Variants in CEBPZ observed in about 807,000 individuals in gnomAD.
CEBPZ encodes the protein CCAAT enhancer binding protein zeta, also known as CCAAT/enhancer-binding protein zeta.
Under a neutral mutation model 104.5 loss-of-function variants are expected in CEBPZ, and 78 were observed. The observed-to-expected ratio is 0.75, with a 90% CI of 0.62 to 0.90. The LOEUF (loss-of-function observed/expected upper bound fraction) is 0.90. Among genes scored for constraint, CEBPZ ranks in the 40% least tolerant of loss-of-function variants. The pLI is 0.00. For synonymous variants in CEBPZ, 470 were observed against 427.0 expected (o/e 1.10, Z -1.24); for missense variants, 1,439 against 1,233.5 (o/e 1.17, Z -2.50).
At chr2:37,223,960 A>G (rs1471049263) in intron 2 of CEBPZ, among the ~76,000 whole-genome samples, 1 of 152,208 alleles carries the variant, frequency 6.6e-6, no homozygotes, top group Non-Finnish European at 1.5e-5. Flanking sequence ...TTCACTGCCC[A>G]GAGTGCTTCT....
Position 37,211,869 on chromosome 2 carries a change from AAC to A in CEBPZ, c.2772_2773del (p.Leu925ArgfsTer2). On this transcript the variant is annotated frameshift_variant, in exon 12 of 16. Transcript: ENST00000234170. LOFTEE classifies it high-confidence loss of function. The stretch of plus-strand genomic sequence containing the variant: ...TGGAACGCTCTCACTTTCATCATCT[AAC>A]ACATCCATGAATGTTCCTCCATCTT... 6.2e-7 allele frequency: 1 copy of A among 1,607,196 alleles called. No homozygotes were observed. The highest frequency in any genetic ancestry group is 8.5e-7 in the Non-Finnish European group (1 of 1,177,798).
chr2:37,212,062 A>G lies in CEBPZ; in HGVS notation c.2604-23T>C, dbSNP rs769440108. 2.6e-6 allele frequency: 4 copies of G among 1,558,434 alleles called. No individual in the cohort carries two copies. The South Asian group carries it at 5.0e-5, about 19-fold the overall frequency. ...TTTCTGGAAAAAAACACAACTTGTA[A>G]TACAAGAGGAGGCAGTATTTTCTAA... On this transcript the variant is annotated intron_variant, in intron 11 of 15. Transcript: ENST00000234170.
rs1572506496 is a variant in CEBPZ, at chr2:37,222,377, C to T, written c.2065+3G>A. The T allele has an allele frequency of 1.3e-6, 2 of 1,568,162 alleles. No individual in the cohort carries two copies. Among genetic ancestry groups the T allele is most frequent in the East Asian group, 2.3e-5 (1 of 43,852 alleles). ...CTAGAGAATAAAGATGAAAAAAACT[C>T]ACCTTTCAAATTATCAAAGTGCACC... is the stretch of plus-strand genomic sequence containing the variant. On this transcript the variant is annotated splice_donor_region_variant and intron_variant, in intron 4 of 15. Coordinates refer to ENST00000234170, the MANE Select transcript of CEBPZ (RefSeq NM_005760.3).
intron 4 of CEBPZ, among the ~76,000 whole-genome samples, chr2:37,220,754 G>C (rs1270481698): frequency 6.6e-6 from 1 of 152,202 alleles, no homozygotes; most frequent in Non-Finnish European, 1.5e-5. Flanking sequence ...ACTTAGGGAG[G>C]CTGAGGCGAG....
At chr2:37,224,754 T>C (rs563322833) in intron 2 of CEBPZ, among the ~76,000 whole-genome samples, 8 of 152,320 alleles carry the variant, frequency 5.3e-5, no homozygotes, top group African/African-American at 1.9e-4. Context: ...ATTTCTTTTA[T>C]CCCTCAATTA....
Position 37,227,556 on chromosome 2 carries a change from G to C in CEBPZ, c.1637C>G (p.Thr546Arg). 1 of 1,608,848 alleles carries C rather than the reference G, an allele frequency of 6.2e-7. No homozygotes were observed. The highest frequency in any genetic ancestry group is 8.5e-7 in the Non-Finnish European group (1 of 1,177,422). Residue 546 changes from threonine (T) to arginine (R), a missense_variant, in exon 2 of 16, where the codon ACA becomes AGA. Physicochemically the swap from Thr to Arg is moderately conservative, Grantham distance 71 (BLOSUM62 -1). Transcript: ENST00000234170. ...SQQTISDRYYTALYRKMLDPG... is the reference protein window; with the variant it reads ...SQQTISDRYYRALYRKMLDPG... ...GGTATGTTCTTACCTGTATAATGCTGTGTAATATCGATCCGATATTGTCTG... is the reference window on the plus strand; with the variant it reads ...GGTATGTTCTTACCTGTATAATGCTCTGTAATATCGATCCGATATTGTCTG...
intron 12 of CEBPZ, 29 bp downstream of exon 12, chr2:37,211,814 G>C: frequency 1.3e-6 from 2 of 1,500,020 alleles, no homozygotes; most frequent in South Asian, 1.3e-5. Context: ...GGAAGACACA[G>C]TTTATGTCTT....
Position 37,211,927 on chromosome 2 carries a change from T to C in CEBPZ, c.2716A>G (p.Met906Val), listed in dbSNP as rs757541050. Reference protein sequence around the residue: ...LDDDEVSLGSMDDEEFAEVDE... With the variant: ...LDDDEVSLGSVDDEEFAEVDE... ...ACTTCAGCAAATTCTTCATCATCCA[T>C]ACTTCCTAAAGAAACTTCATCGTCA... The change falls in exon 12 of 16, where the codon ATG becomes GTG. Residue 906 changes from methionine to valine, a missense_variant. Physicochemically the swap from Met to Val is conservative, Grantham distance 21. Coordinates refer to ENST00000234170, the MANE Select transcript of CEBPZ (RefSeq NM_005760.3). The C allele has an allele frequency of 7.7e-5, 125 of 1,613,690 alleles. 1 individual carries two copies. The South Asian group carries it at 1.3e-3, about 16-fold the overall frequency.
At chr2:37,219,320 A>T (rs1376494393) in intron 5 of CEBPZ, among the ~76,000 whole-genome samples, 1 of 152,218 alleles carries the variant, frequency 6.6e-6, no homozygotes, top group Non-Finnish European at 1.5e-5. Context: ...ATGCACACGA[A>T]ATACTAAAAA....
Position 37,201,788 on chromosome 2 carries a change from T to C in CEBPZ, c.3141A>G (p.Gln1047=), listed in dbSNP as rs1323719688. 7.4e-6 allele frequency: 11 copies of C among 1,492,208 alleles called. No individual in the cohort carries two copies. The East Asian group carries it at 1.4e-4, about 18-fold the overall frequency. The allele number at this position is 1,492,208 out of a possible 1,614,324, so 92.4% of individuals were successfully genotyped here. A position where few individuals can be genotyped will look rare whatever the true frequency, so the allele number is the denominator to read the frequency against. ...HFKKKRIKTT[Q]KTKKQRK ...CTCATTTCCTTTGTTTTTTAGTTTT[T>C]TGAGTGGTTTTAATCCTCTTCTTTT... The change falls in exon 16 of 16, where the codon CAA becomes CAG. Residue 1047 remains glutamine, a synonymous_variant. Coordinates refer to ENST00000234170, the MANE Select transcript of CEBPZ (RefSeq NM_005760.3).
chr2:37,213,040 G>A (rs954318758), intron 10 of CEBPZ, among the ~76,000 whole-genome samples: 1 of 151,896 alleles, frequency 6.6e-6, no homozygotes, highest in Admixed American at 6.6e-5. Context: ...GAGAGAGCCT[G>A]TCTCAAAACA....
In CEBPZ at chr2:37,227,709, G is replaced by A; in HGVS notation, c.1484C>T (p.Pro495Leu). ...TTTGTCATCACCAGTCTGGGAATAA[G>A]GGTATGCCCTATTCACACCTGTTAA... ...ALLTGVNRAYPYSQTGDDKVR... is the reference protein window; with the variant it reads ...ALLTGVNRAYLYSQTGDDKVR... Residue 495 changes from proline (P) to leucine (L), a missense_variant, in exon 2 of 16, where the codon CCT becomes CTT. Transcript: ENST00000234170. 4 of 1,614,150 alleles carry A rather than the reference G, an allele frequency of 2.5e-6. No individual in the cohort carries two copies. Among genetic ancestry groups the A allele is most frequent in the South Asian group, 1.1e-5 (1 of 91,082 alleles).
chr2:37,230,067 GTAT>G (rs2148366321), intron 1 of CEBPZ, among the ~76,000 whole-genome samples: 1 of 152,206 alleles, frequency 6.6e-6, no homozygotes, highest in South Asian at 2.1e-4. Context: ...ATTAACTGTA[GTAT>G]TATTTAAAAT....
intron 4 of CEBPZ, among the ~76,000 whole-genome samples, chr2:37,221,312 C>T (rs975260341): frequency 6.6e-6 from 1 of 151,940 alleles, no homozygotes; most frequent in Non-Finnish European, 1.5e-5. Context: ...ATAGTGAGAC[C>T]CTGTCTCAAA....
intron 15 of CEBPZ, 91 bp downstream of exon 15, chr2:37,202,677 AAAAAAAAAAAAAAAAG>A: frequency 9.4e-6 from 2 of 213,540 alleles, no homozygotes; most frequent in Non-Finnish European, 1.7e-5. Context: ...AAAAAAAAAA[AAAAAAAAAAAAAAAAG>A]AATAAATAAA....
In CEBPZ at chr2:37,227,849, C is replaced by G. The variant is rs1462609663; in HGVS notation, c.1344G>C (p.Met448Ile). ...QYYAICFLNQ[M>I]ALSHEESELA... ...ATTCACTTTCTTCATGGGACAGAGC[C>G]ATTTGATTTAAAAAGCAAATTGCAT... Residue 448 changes from methionine to isoleucine, a missense_variant, in exon 2 of 16, where the codon ATG (methionine) becomes ATC (isoleucine). Transcript: ENST00000234170. 6.2e-7 allele frequency: 1 copy of G among 1,614,036 alleles called. No homozygotes were observed. The highest frequency in any genetic ancestry group is 1.1e-5 in the South Asian group (1 of 91,086).
chr2:37,201,630 TTTTA>T lies in CEBPZ; in HGVS notation c.*130_*133del, dbSNP rs774552169. The T allele has an allele frequency of 1.1e-5, 8 of 711,048 alleles. No homozygotes were observed. Among genetic ancestry groups the T allele is most frequent in the Non-Finnish European group, 2.0e-5 (8 of 399,374 alleles). 44.0% of individuals were successfully genotyped at this position (711,048 alleles called of 1,614,324 possible). On this transcript the variant is annotated 3_prime_UTR_variant, in exon 16 of 16. Transcript: ENST00000234170. ...ACATGACTTTATAAATGAGAGCTAT[TTTTA>T]TTTATAGTTTATTACAAATCCACTG... is the stretch of plus-strand genomic sequence containing the variant.
At chr2:37,201,989 C>A in intron 15 of CEBPZ, 86 bp from the exon 16 acceptor site, 1 of 1,318,808 alleles carries the variant, frequency 7.6e-7, no homozygotes, top group Non-Finnish European at 1.0e-6. Flanking sequence ...GTCACAGGAA[C>A]TTCTAGCCTG....
chr2:37,218,064 G>A (rs1327609451), intron 5 of CEBPZ, among the ~76,000 whole-genome samples: 1 of 151,416 alleles, frequency 6.6e-6, no homozygotes, highest in South Asian at 2.1e-4. Context: ...TCAGGAGATC[G>A]AGACCATCCT....
Sources: gnomAD v4.1 joint callset for allele counts (sites outside exome capture counted in the v4.1 genomes callset) on GRCh38, gnomAD v4.1.1 for gene constraint, MANE v1.5 for transcripts, NCBI Gene and HGNC (gene_info 2026-07-23, HGNC 2026-07-21) for gene names.